ZNF536: variants seen among roughly 807,000 people sequenced by gnomAD.
ZNF536 encodes zinc finger protein 536.
In ZNF536, 13 loss-of-function variants were observed where a neutral mutation model predicts 84.5. That is an observed-to-expected ratio of 0.15 (90% CI 0.10 to 0.24). The LOEUF is 0.24. ZNF536 is among the 10% of genes least tolerant of loss of function. The pLI, the probability that ZNF536 is intolerant of heterozygous loss-of-function variation, is 1.00. For synonymous variants in ZNF536, 811 were observed against 742.5 expected (o/e 1.09, Z -1.50); for missense variants, 1,536 against 1,747.5 (o/e 0.88, Z 2.16).
chr19:30,576,817 G>A (rs2046755648), intron 1 of ZNF536, among the ~76,000 whole-genome samples: 1 of 152,224 alleles, frequency 6.6e-6, no homozygotes, highest in Non-Finnish European at 1.5e-5. Flanking sequence ...CGTCTTCCAA[G>A]GGGAACAGTC....
At chr19:30,254,733 G>A (rs76102530) in intron 1 of ZNF536, among the ~76,000 whole-genome samples, 1 of 152,064 alleles carries the variant, frequency 6.6e-6, no homozygotes, top group East Asian at 1.9e-4. Flanking sequence ...TTGTTTGTGT[G>A]GTTTCACTTT....
At chr19:30,485,355 T>C (rs1359211370) in intron 2 of ZNF536, among the ~76,000 whole-genome samples, 1 of 152,140 alleles carries the variant, frequency 6.6e-6, no homozygotes, top group African/African-American at 2.4e-5. Flanking sequence ...TCAATGGTTT[T>C]TAGTCTATTC....
At chr19:30,555,175 C>A (rs2146339019) in intron 4 of ZNF536, 3 of 152,350 alleles carry the variant, frequency 2.0e-5, no homozygotes, top group Admixed American at 2.0e-4. Flanking sequence ...CTGATGCAAG[C>A]TTGCTCTGTG....
intron 3 of ZNF536, among the ~76,000 whole-genome samples, chr19:30,365,894 A>G (rs1236803852): frequency 6.6e-6 from 1 of 152,228 alleles, no homozygotes; most frequent in African/African-American, 2.4e-5. Context: ...TATTTTTCAT[A>G]TGAAACATCA....
intron 1 of ZNF536, among the ~76,000 whole-genome samples, chr19:30,247,554 G>A (rs1040484526): frequency 2.6e-5 from 4 of 152,158 alleles, no homozygotes; most frequent in Admixed American, 2.0e-4. Context: ...GGGCGTGGTG[G>A]ATCAAGCCTG....
upstream of ZNF536, among the ~76,000 whole-genome samples, chr19:30,226,852 C>A (rs1003250663): frequency 6.6e-6 from 1 of 151,868 alleles, no homozygotes; most frequent in Non-Finnish European, 1.5e-5. The surrounding 1 kb of genome is among the most constrained non-coding windows in gnomAD (Gnocchi z 4.6). Context: ...GCCTCCCGTC[C>A]CCCCAGCGCA....
intron 2 of ZNF536, among the ~76,000 whole-genome samples, chr19:30,465,851 T>C (rs370213154): frequency 2.0e-5 from 3 of 152,114 alleles, no homozygotes; most frequent in African/African-American, 7.2e-5. Context: ...CCCAGGTTCA[T>C]GCCATTCTCC....
intron 2 of ZNF536, among the ~76,000 whole-genome samples, chr19:30,497,155 G>C (rs1027527194): frequency 1.3e-5 from 2 of 152,194 alleles, no homozygotes; most frequent in South Asian, 2.1e-4. Flanking sequence ...CCCATCGGCT[G>C]TGGGTGTGCC....
intron 1 of ZNF536, among the ~76,000 whole-genome samples, chr19:30,261,297 C>CAAAAAAAA (rs66862950): frequency 4.2e-4 from 10 of 23,578 alleles, no homozygotes; most frequent in Non-Finnish European, 6.7e-4. Flanking sequence ...GACTCCGTCT[C>CAAAAAAAA]AAAAAAAAAA....
At chr19:30,474,319 C>T (rs1405512592) in intron 2 of ZNF536, among the ~76,000 whole-genome samples, 1 of 151,900 alleles carries the variant, frequency 6.6e-6, no homozygotes, top group Non-Finnish European at 1.5e-5. Context: ...CTCTTTCTCT[C>T]TCTCTCTCTC....
At chr19:30,304,617 G>A (rs553147982) in intron 2 of ZNF536, among the ~76,000 whole-genome samples, 17 of 152,308 alleles carry the variant, frequency 1.1e-4, no homozygotes, top group Middle Eastern at 3.4e-3. Context: ...ACCCAGAGCC[G>A]GCTGCTCTGG....
At chr19:30,330,502 C>T (rs534644458) in intron 2 of ZNF536, among the ~76,000 whole-genome samples, 26 of 152,252 alleles carry the variant, frequency 1.7e-4, no homozygotes, top group Non-Finnish European at 3.4e-4. Flanking sequence ...GGGGAGGCCT[C>T]GTTACAAGCC....
chr19:30,597,364 A>G (rs554865372), intron 1 of ZNF536, among the ~76,000 whole-genome samples: 14 of 152,366 alleles, frequency 9.2e-5, no homozygotes, highest in African/African-American at 3.4e-4. Flanking sequence ...GACCCGGGCC[A>G]TCATGGGCAT....
intron 1 of ZNF536, among the ~76,000 whole-genome samples, chr19:30,270,916 T>C (rs1457990804): frequency 6.6e-6 from 1 of 152,292 alleles, no homozygotes; most frequent in East Asian, 1.9e-4. Context: ...ACATTTTCCA[T>C]TCTGGTTTTA....
chr19:30,632,309 A>G (rs1336070631), intron 1 of ZNF536, among the ~76,000 whole-genome samples: 1 of 152,210 alleles, frequency 6.6e-6, no homozygotes, highest in Non-Finnish European at 1.5e-5. Context: ...ATGTGTCTGT[A>G]AAAACCAGAA....
intron 1 of ZNF536, among the ~76,000 whole-genome samples, chr19:30,236,055 C>T (rs2023472230): frequency 6.6e-6 from 1 of 152,226 alleles, no homozygotes; most frequent in African/African-American, 2.4e-5. Flanking sequence ...AGTCCCCCTC[C>T]AACAGCCCAA....
intron 3 of ZNF536, among the ~76,000 whole-genome samples, chr19:30,546,012 A>G (rs2045540850): frequency 6.6e-6 from 1 of 152,160 alleles, no homozygotes; most frequent in South Asian, 2.1e-4. Flanking sequence ...GTAGGGCAGG[A>G]TCTTGAGTTT....
In ZNF536 at chr19:30,456,308, CTT is replaced by C. The variant is rs11301441; in HGVS notation, c.2170+10595_2170+10596del. ...CGTGAACACGGGACTTGTTTCTTTT[CTT>C]TTTTTTTTTTTTTTTTTTGCCTGAG... On this transcript the variant is annotated intron_variant, in intron 2 of 4. Transcript: ENST00000355537. Among the ~76,000 whole-genome samples, 489 of 108,114 alleles carry C rather than the reference CTT, an allele frequency of 4.5e-3. 1 individual carries two copies. Among genetic ancestry groups the C allele is most frequent in the Admixed American group, 7.7e-3 (78 of 10,172 alleles). The allele number at this position is 108,114 out of a possible 152,430, so 70.9% of individuals were successfully genotyped here. A position where few individuals can be genotyped will look rare whatever the true frequency, so the allele number is the denominator to read the frequency against.
intron 1 of ZNF536, among the ~76,000 whole-genome samples, chr19:30,246,329 CAG>C (rs1244720815): frequency 6.6e-6 from 1 of 152,106 alleles, no homozygotes; most frequent in African/African-American, 2.4e-5. Flanking sequence ...AGAATTCTTG[CAG>C]AAAAATAAAA....
Sources: gnomAD v4.1 joint callset for allele counts (sites outside exome capture counted in the v4.1 genomes callset) on GRCh38, gnomAD v4.1.1 for gene constraint, Gnocchi (gnomAD v3.1) non-coding constraint, MANE v1.5 for transcripts, NCBI Gene and HGNC (gene_info 2026-07-23, HGNC 2026-07-21) for gene names.